MSI1: variants seen among roughly 807,000 people sequenced by gnomAD.
MSI1 encodes the protein RNA-binding protein Musashi homolog 1.
MSI1 carries 15 observed loss-of-function variants against 54.4 expected under a neutral mutation model. The ratio of observed to expected loss-of-function variants is 0.28; its 90% CI spans 0.18 to 0.42. MSI1 has a LOEUF of 0.42. Ranked by LOEUF, MSI1 falls within the 20% of genes least tolerant of loss-of-function variation. The pLI, the probability that MSI1 is intolerant of heterozygous loss-of-function variation, is 1.00. For missense variants in MSI1, 304 were observed against 506.0 expected (o/e 0.60, Z 3.83); for synonymous variants, 200 against 196.5 (o/e 1.02, Z -0.15).
rs1336021255 is a variant in MSI1 at position 120,355,083 on chromosome 12, T to C, written c.653-1704A>G. Among the ~76,000 whole-genome samples the C allele has an allele frequency of 3.4e-5, 4 of 119,218 alleles. No homozygotes were observed. In the East Asian group the frequency reaches 9.5e-4, roughly 28 times the overall value. 78.2% of individuals were successfully genotyped at this position (119,218 alleles called of 152,430 possible). A position where few individuals can be genotyped will look rare whatever the true frequency, so the allele number is the denominator to read the frequency against. On this transcript the variant is annotated intron_variant, in intron 9 of 14. Transcript: ENST00000257552. ...AGCATTATTGGGTCAATTGATAAAA[T>C]TGGAAAATAGAAAGTAGATTAGATA...
chr12:120,351,938 G>A (rs1487878694), intron 10 of MSI1, among the ~76,000 whole-genome samples: 5 of 149,684 alleles, frequency 3.3e-5, no homozygotes, highest in Non-Finnish European at 7.4e-5. Flanking sequence ...TCGATCTCCT[G>A]ACCTCGTGAT....
intron 9 of MSI1, 143 bp downstream of exon 9, chr12:120,356,759 A>G (rs1303262283): frequency 1.3e-6 from 1 of 758,462 alleles, no homozygotes; most frequent in Non-Finnish European, 2.2e-6. Context: ...GCCAGACCCG[A>G]CAGATCCCTT....
chr12:120,348,696 C>T (rs1874350337), intron 11 of MSI1, among the ~76,000 whole-genome samples: 1 of 151,880 alleles, frequency 6.6e-6, no homozygotes, highest in African/African-American at 2.4e-5. Context: ...CCAGCCTGAC[C>T]AACATGGAGA....
chr12:120,353,402 TC>T, intron 9 of MSI1, 23 bp from the exon 10 acceptor site: 1 of 1,608,346 alleles, frequency 6.2e-7, no homozygotes, highest in Non-Finnish European at 8.5e-7. Flanking sequence ...GGGGGCAGTG[TC>T]AGATGGCTCA....
intron 10 of MSI1, among the ~76,000 whole-genome samples, chr12:120,352,954 A>G (rs1387497048): frequency 6.6e-6 from 1 of 152,142 alleles, no homozygotes; most frequent in Non-Finnish European, 1.5e-5. Flanking sequence ...TGCAACCAAC[A>G]ATGGCCCTCG....
chr12:120,356,853 T>G, intron 9 of MSI1, 49 bp downstream of exon 9: 1 of 1,550,734 alleles, frequency 6.4e-7, no homozygotes, highest in Non-Finnish European at 8.9e-7. Context: ...CTGCTAGTCC[T>G]GGGAGCAGTT....
At chr12:120,351,905 T>G (rs1874642040) in intron 10 of MSI1, among the ~76,000 whole-genome samples, 1 of 151,316 alleles carries the variant, frequency 6.6e-6, no homozygotes, top group African/African-American at 2.4e-5. Flanking sequence ...AGACGGGGTT[T>G]CACTGTATTA....
intron 4 of MSI1, among the ~76,000 whole-genome samples, chr12:120,366,695 C>T (rs1876038527): frequency 6.6e-6 from 1 of 152,270 alleles, no homozygotes; most frequent in East Asian, 1.9e-4. Context: ...AGTAAACCTC[C>T]CTCCCACCCC....
rs1874588170 is a variant in MSI1, at chr12:120,351,419, C to A, written c.734-19G>T. 6.2e-7 allele frequency: 1 copy of A among 1,612,422 alleles called. No individual in the cohort carries two copies. Among genetic ancestry groups the A allele is most frequent in the Admixed American group, 1.7e-5 (1 of 59,882 alleles). ...CGGAATTCTAAAATGAAACGTAAAA[C>A]AGCTTAGGAAGAAGCAGGGGAGGCC... On this transcript the variant is annotated intron_variant, in intron 10 of 14. Coordinates refer to ENST00000257552, the MANE Select transcript of MSI1 (RefSeq NM_002442.4).
At chr12:120,360,339 C>T (rs1409058815) in intron 6 of MSI1, among the ~76,000 whole-genome samples, 7 of 152,202 alleles carry the variant, frequency 4.6e-5, no homozygotes, top group Non-Finnish European at 8.8e-5. Context: ...CCTGAACTAC[C>T]GTGATCCTCC....
chr12:120,360,627 A>G (rs917010644), intron 6 of MSI1, among the ~76,000 whole-genome samples: 1 of 152,134 alleles, frequency 6.6e-6, no homozygotes, highest in Admixed American at 6.5e-5. Context: ...CCAATGAAAA[A>G]CAGAAACCCA....
chr12:120,345,564 C>T lies in MSI1; in HGVS notation c.*21+6G>A, dbSNP rs1874042731. The T allele has an allele frequency of 1.3e-6, 2 of 1,599,332 alleles. No homozygotes were observed. Among genetic ancestry groups the T allele is most frequent in the Admixed American group, 1.7e-5 (1 of 59,922 alleles). ...CCCCACCACCTGCCCACCCCCACAT[C>T]CTCACCTCCTGCCACCGTCCCCTGC... On this transcript the variant is annotated splice_donor_region_variant and intron_variant, in intron 14 of 14. Coordinates refer to ENST00000257552, the MANE Select transcript of MSI1 (RefSeq NM_002442.4).
At chr12:120,364,943 C>T (rs1875923643) in intron 4 of MSI1, among the ~76,000 whole-genome samples, 188 bp from the exon 5 acceptor site, 1 of 152,192 alleles carries the variant, frequency 6.6e-6, no homozygotes, top group South Asian at 2.1e-4. Flanking sequence ...CAGAGTCTCA[C>T]TCTATCACCC....
intron 4 of MSI1, among the ~76,000 whole-genome samples, chr12:120,367,283 C>T (rs1313443698): frequency 2.6e-5 from 4 of 152,178 alleles, no homozygotes; most frequent in Non-Finnish European, 5.9e-5. Context: ...GAGTAACCCC[C>T]TCCTCTGACT....
chr12:120,366,515 C>G (rs1422314147), intron 4 of MSI1, among the ~76,000 whole-genome samples: 1 of 152,152 alleles, frequency 6.6e-6, no homozygotes, highest in African/African-American at 2.4e-5. Context: ...CACACAGTCC[C>G]CCTACACAGA....
intron 9 of MSI1, among the ~76,000 whole-genome samples, chr12:120,354,904 C>A (rs1874946275): frequency 6.6e-6 from 1 of 151,898 alleles, no homozygotes. Flanking sequence ...AAGAGCATTA[C>A]TGGGTCTGGC....
At position 120,357,960 on chromosome 12, in the gene MSI1, C is replaced by T. The variant is rs372095574; in HGVS notation, c.452-62G>A. On this transcript the variant is annotated intron_variant, in intron 7 of 14. Transcript: ENST00000257552. ...CCAGAGCGCAGGGTCAAAACTCAACCCCAGGTCGTACCAATATCCCCGCTC... is the reference window on the plus strand; with the variant it reads ...CCAGAGCGCAGGGTCAAAACTCAACTCCAGGTCGTACCAATATCCCCGCTC... 65 of 1,439,762 alleles carry T rather than the reference C, an allele frequency of 4.5e-5. No individual in the cohort carries two copies. The South Asian group carries it at 6.7e-4, about 15-fold the overall frequency. The allele number at this position is 1,439,762 out of a possible 1,614,324, so 89.2% of individuals were successfully genotyped here. A position where few individuals can be genotyped will look rare whatever the true frequency, so the allele number is the denominator to read the frequency against.
At chr12:120,363,189 A>T (rs1875790972) in intron 5 of MSI1, 54 bp from the exon 6 acceptor site, 1 of 1,506,244 alleles carries the variant, frequency 6.6e-7, no homozygotes, top group Admixed American at 1.7e-5. Flanking sequence ...GCCTACCGCC[A>T]CCAGCAGGGG....
chr12:120,364,053 T>C (rs1179450), intron 5 of MSI1, among the ~76,000 whole-genome samples: 69,816 of 152,122 alleles, frequency 0.46, 18,340 homozygotes, highest in South Asian at 0.63. Context: ...AAGACCTGGC[T>C]AGTTGCCCTG....
Sources: allele counts gnomAD v4.1 joint callset (sites outside exome capture counted in the v4.1 genomes callset), GRCh38; gene constraint gnomAD v4.1.1; transcripts MANE v1.5; gene names NCBI Gene and HGNC (gene_info 2026-07-23, HGNC 2026-07-21).